HMCN2: variants seen among roughly 807,000 people sequenced by gnomAD.
HMCN2 encodes hemicentin-2.
Under a neutral mutation model 377.5 loss-of-function variants are expected in HMCN2, and 325 were observed. The ratio of observed to expected loss-of-function variants is 0.86; its 90% CI spans 0.79 to 0.94. The LOEUF (loss-of-function observed/expected upper bound fraction) is 0.94, where lower values mean the gene tolerates loss of function less well. Ranked by LOEUF, HMCN2 falls within the 40% of genes least tolerant of loss-of-function variation. HMCN2 has a pLI of 0.00. For synonymous variants in HMCN2, 2,007 were observed against 2,046.8 expected, an observed-to-expected ratio of 0.98 and a Z score of 0.53; for missense variants, 4,543 against 4,725.3, an observed-to-expected ratio of 0.96 and a Z score of 1.13.
intron 25 of HMCN2, among the ~76,000 whole-genome samples, chr9:130,342,816 C>G (rs1007655968): frequency 6.6e-6 from 1 of 152,152 alleles, no homozygotes; most frequent in Middle Eastern, 3.2e-3. Flanking sequence ...CCGCCTCTCC[C>G]CATGCCCCTG....
chr9:130,427,481 C>T lies in HMCN2; in HGVS notation c.13943-16C>T, dbSNP rs1485608436. On this transcript the variant is annotated splice_polypyrimidine_tract_variant and intron_variant, in intron 91 of 97. Coordinates refer to ENST00000683500, the MANE Select transcript of HMCN2 (RefSeq NM_001291815.2). ...GGGCCTGGGAGCGGAGACCACCAGA[C>T]CCCTTCCTGCCCCAGACAGGGACGA... is the stretch of plus-strand genomic sequence containing the variant. 2 of 1,550,354 alleles carry T rather than the reference C, an allele frequency of 1.3e-6. No individual in the cohort carries two copies. The highest frequency in any genetic ancestry group is 1.7e-6 in the Non-Finnish European group (2 of 1,146,908).
At chr9:130,417,079 T>C (rs1222507090) in intron 85 of HMCN2, among the ~76,000 whole-genome samples, 1 of 149,982 alleles carries the variant, frequency 6.7e-6, no homozygotes, top group Non-Finnish European at 1.5e-5. Context: ...ACCTGGCTAA[T>C]TTTTGTATTT....
chr9:130,406,335 C>T (rs890580223), intron 82 of HMCN2, 167 bp downstream of exon 82: 2 of 446,948 alleles, frequency 4.5e-6, no homozygotes, highest in African/African-American at 2.0e-5. Flanking sequence ...AGGGCAAACC[C>T]AGCTGTGGCC....
intron 73 of HMCN2, among the ~76,000 whole-genome samples, chr9:130,396,674 G>A (rs1231109322): frequency 6.6e-6 from 1 of 152,112 alleles, no homozygotes; most frequent in Non-Finnish European, 1.5e-5. Context: ...CCAGCCCCAG[G>A]TTTACAGCTC....
At chr9:130,287,183 G>A (rs929016595) in intron 4 of HMCN2, among the ~76,000 whole-genome samples, 3 of 152,040 alleles carry the variant, frequency 2.0e-5, no homozygotes, top group Admixed American at 6.6e-5. Flanking sequence ...ACCTCTCACC[G>A]CCAGGTCCCT....
Position 130,422,876 on chromosome 9 carries a change from A to G in HMCN2, c.13381+150A>G, listed in dbSNP as rs1021282573. On this transcript the variant is annotated intron_variant, in intron 87 of 97. Coordinates refer to ENST00000683500, the MANE Select transcript of HMCN2 (RefSeq NM_001291815.2). The surrounding 1 kb of genome is among the most constrained non-coding windows in gnomAD (Gnocchi z 4.2). Reference sequence around the variant, plus strand: ...ACCAGAGCACGTCTGACCATCTCTCAAAGCTGAGTGCAATCCAAAGTGGAC... The same window carrying G: ...ACCAGAGCACGTCTGACCATCTCTCGAAGCTGAGTGCAATCCAAAGTGGAC... 11 of 615,216 alleles carry G rather than the reference A, an allele frequency of 1.8e-5. No homozygotes were observed. The African/African-American group carries it at 2.1e-4, about 12-fold the overall frequency. 38.1% of individuals were successfully genotyped at this position (615,216 alleles called of 1,614,324 possible). A position where few individuals can be genotyped will look rare whatever the true frequency, so the allele number is the denominator to read the frequency against.
intron 37 of HMCN2, among the ~76,000 whole-genome samples, chr9:130,359,802 T>G (rs1840263046): frequency 6.6e-6 from 1 of 152,090 alleles, no homozygotes; most frequent in Non-Finnish European, 1.5e-5. Context: ...GGGTGAGGCT[T>G]ACGGTGGCCC....
At position 130,369,137 on chromosome 9, in the gene HMCN2, T is replaced by A. The variant is rs895387586; in HGVS notation, c.6788-433T>A. ...TATATATGATGGAAACCTAAAGCCC[T>A]ATCTACTGGTCCTGCAGTGATGAAA... is the stretch of plus-strand genomic sequence containing the variant. On this transcript the variant is annotated intron_variant, in intron 44 of 97. Transcript: ENST00000683500. The surrounding 1 kb of genome is among the most constrained non-coding windows in gnomAD (Gnocchi z 4.5). Among the ~76,000 whole-genome samples the A allele has an allele frequency of 6.6e-6, 1 of 151,786 alleles. No individual in the cohort carries two copies. The highest frequency in any genetic ancestry group is 1.5e-5 in the Non-Finnish European group (1 of 68,032).
chr9:130,269,001 G>T (rs1834268934), intron 1 of HMCN2, among the ~76,000 whole-genome samples: 1 of 148,692 alleles, frequency 6.7e-6, no homozygotes, highest in African/African-American at 2.4e-5. Context: ...ATCCCCTTTG[G>T]TGGAAGAGGA....
rs1453447849 is a variant in HMCN2, at chr9:130,294,840, C to T, written c.613-15C>T. ...TGGGCACCTGCCGGCATCAGCTCCT[C>T]ATACTTGCCTCCAGGTGCTGAAGTG... is the stretch of plus-strand genomic sequence containing the variant. On this transcript the variant is annotated splice_polypyrimidine_tract_variant and intron_variant, in intron 4 of 97. Coordinates refer to ENST00000683500, the MANE Select transcript of HMCN2 (RefSeq NM_001291815.2). The T allele has an allele frequency of 6.5e-5, 28 of 427,654 alleles. No homozygotes were observed. In the Admixed American group the frequency reaches 7.3e-4, roughly 11 times the overall value. 26.5% of individuals were successfully genotyped at this position (427,654 alleles called of 1,614,324 possible).
At chr9:130,403,388 G>A in intron 79 of HMCN2, 60 bp downstream of exon 79, 3 of 1,278,374 alleles carry the variant, frequency 2.3e-6, no homozygotes, top group Non-Finnish European at 3.1e-6. Context: ...CTGGGCAGGG[G>A]GGGAGTCCTG....
intron 97 of HMCN2, chr9:130,433,071 T>C: frequency 2.2e-6 from 1 of 446,986 alleles, no homozygotes; most frequent in Non-Finnish European, 3.9e-6. Context: ...ATCGCTCCCC[T>C]GTGTCTGCTG....
Position 130,428,511 on chromosome 9 carries a change from G to T in HMCN2, c.14197+22G>T. On this transcript the variant is annotated intron_variant, in intron 93 of 97. Coordinates refer to ENST00000683500, the MANE Select transcript of HMCN2 (RefSeq NM_001291815.2). This position sits in a 1 kb window ranked among gnomAD's most constrained non-coding sequence, Gnocchi z 5.0. ...GAAGGTGATGGGGGCACAGCATGCG[G>T]CCTGTCCATACTCCTGGAAACCCAG... 1 of 1,537,000 alleles carries T rather than the reference G, an allele frequency of 6.5e-7. No individual in the cohort carries two copies.
Position 130,325,219 on chromosome 9 carries a change from C to T in HMCN2, c.2921-376C>T, listed in dbSNP as rs1030872439. On this transcript the variant is annotated intron_variant, in intron 19 of 97. Coordinates refer to ENST00000683500, the MANE Select transcript of HMCN2 (RefSeq NM_001291815.2). ...AAGCAATTCTCCTGCCTCAGCCTCC[C>T]GAGTAGCTGGGATTACAAGGCATGC... is the stretch of plus-strand genomic sequence containing the variant. 1.9e-4 allele frequency among the ~76,000 whole-genome samples: 29 copies of T among 151,862 alleles called. No individual in the cohort carries two copies. The South Asian group carries it at 4.6e-3, about 24-fold the overall frequency.
At chr9:130,296,497 T>C (rs1284714236) in intron 6 of HMCN2, among the ~76,000 whole-genome samples, 177 bp from the exon 7 acceptor site, 3 of 152,268 alleles carry the variant, frequency 2.0e-5, no homozygotes, top group African/African-American at 4.8e-5. Context: ...CTTCAGCTCC[T>C]TCATTTGGGG....
intron 1 of HMCN2, among the ~76,000 whole-genome samples, chr9:130,278,335 A>G (rs1834911552): frequency 6.6e-6 from 1 of 151,982 alleles, no homozygotes; most frequent in Admixed American, 6.6e-5. Flanking sequence ...CGTGTTAGCC[A>G]GGTTGGTCTT....
chr9:130,358,503 C>G lies in HMCN2; in HGVS notation c.5677+17C>G, dbSNP rs1048139212. The G allele has an allele frequency of 7.7e-7, 1 of 1,304,340 alleles. No homozygotes were observed. The highest frequency in any genetic ancestry group is 1.2e-5 in the South Asian group (1 of 81,018). The allele number at this position is 1,304,340 out of a possible 1,614,324, so 80.8% of individuals were successfully genotyped here. ...AAGTTTTGGGTGAGGACGTGGGTAA[C>G]CAGCAGGGCCCAGGCCAGCATGTTG... On this transcript the variant is annotated intron_variant, in intron 36 of 97. Transcript: ENST00000683500.
At position 130,384,731 on chromosome 9, in the gene HMCN2, G is replaced by C. The variant is rs1039618477; in HGVS notation, c.9039G>C (p.Gly3013=). Residue 3013 remains glycine, a synonymous_variant, in exon 59 of 98, where the codon GGG becomes GGC. Coordinates refer to ENST00000683500, the MANE Select transcript of HMCN2 (RefSeq NM_001291815.2). The part of the protein sequence containing the change: ...QLGRARLSDS[G]MYTCEALNAA... ...GGAGAGCACGGCTGTCGGACTCCGG[G>C]ATGTACACATGCGAAGCCCTCAATG... 4 of 1,302,878 alleles carry C rather than the reference G, an allele frequency of 3.1e-6. No individual in the cohort carries two copies. The Admixed American group carries it at 9.2e-5, about 30-fold the overall frequency. 80.7% of individuals were successfully genotyped at this position (1,302,878 alleles called of 1,614,324 possible).
Position 130,365,989 on chromosome 9 carries a change from A to T in HMCN2, c.6619A>T (p.Lys2207Ter). 1 of 985,954 alleles carries T rather than the reference A, an allele frequency of 1.0e-6. No homozygotes were observed. Among genetic ancestry groups the T allele is most frequent in the Non-Finnish European group, 1.2e-6 (1 of 830,042 alleles). The allele number at this position is 985,954 out of a possible 1,614,324, so 61.1% of individuals were successfully genotyped here. Residue 2207 changes from lysine to a stop codon, truncating the protein, a stop_gained, in exon 43 of 98, where the codon AAG becomes TAG. Coordinates refer to ENST00000683500, the MANE Select transcript of HMCN2 (RefSeq NM_001291815.2). LOFTEE classifies it high-confidence loss of function. ...GVPFPKISWR[K>*]DGQPLPGEGA... ...CCCCTTCCCCAAGATCTCCTGGAGG[A>T]AGGACGGTAGGATTGCTGCCCTCAC...
Sources: allele counts gnomAD v4.1 joint callset (sites outside exome capture counted in the v4.1 genomes callset), GRCh38; gene constraint gnomAD v4.1.1; non-coding constraint Gnocchi (gnomAD v3.1); transcripts MANE v1.5; gene names NCBI Gene and HGNC (gene_info 2026-07-23, HGNC 2026-07-21).